ATP13A2: variants seen among roughly 807,000 people sequenced by gnomAD.
The protein encoded by ATP13A2 is ATPase cation transporting 13A2.
A neutral mutation model predicts 138.3 loss-of-function variants in ATP13A2; 83 were observed. That is an observed-to-expected ratio of 0.60 (90% CI 0.50 to 0.72). The LOEUF (loss-of-function observed/expected upper bound fraction) is 0.72, where lower values mean the gene tolerates loss of function less well. Among genes scored for constraint, ATP13A2 ranks in the 30% least tolerant of loss-of-function variants. The probability of loss-of-function intolerance (pLI) is 0.00; values close to 1 mark genes in which losing one functional copy is unlikely to be tolerated. For synonymous variants in ATP13A2, 663 were observed against 699.0 expected (o/e 0.95, Z 0.81); for missense variants, 1,402 against 1,606.4 (o/e 0.87, Z 2.17).
intron 25 of ATP13A2, 74 bp downstream of exon 25, chr1:16,988,064 G>C (rs2076797747): frequency 5.8e-6 from 8 of 1,368,830 alleles, no homozygotes; most frequent in Non-Finnish European, 8.3e-6. Flanking sequence ...GGACCTGCCA[G>C]CTCCAAGGCA....
In ATP13A2 at chr1:16,986,159, G is replaced by C; in HGVS notation, c.*62C>G. On this transcript the variant is annotated 3_prime_UTR_variant, in exon 29 of 29. Transcript: ENST00000326735. The surrounding 1 kb of genome is among the most constrained non-coding windows in gnomAD (Gnocchi z 6.9). ...GTGGTGGCGGTGGTGTTGCTGGAGA[G>C]GGGTCCAGTTGGTGGCTCAGAGGCA... 2 of 1,609,370 alleles carry C rather than the reference G, an allele frequency of 1.2e-6. No homozygotes were observed. The highest frequency in any genetic ancestry group is 1.7e-6 in the Non-Finnish European group (2 of 1,178,424).
chr1:17,000,941 C>T lies in ATP13A2; in HGVS notation c.706-407G>A, dbSNP rs2077331954. 5.3e-5 allele frequency: 10 copies of T among 189,562 alleles called. No homozygotes were observed. The South Asian group carries it at 1.1e-3, about 20-fold the overall frequency. 11.7% of individuals were successfully genotyped at this position (189,562 alleles called of 1,614,324 possible). On this transcript the variant is annotated intron_variant, in intron 8 of 28. Transcript: ENST00000326735. ...TGAGTGACAGAGGGAGACCCTGTCT[C>T]AAAAAAAATAAACAAATAAATAAAT...
At position 16,990,077 on chromosome 1, in the gene ATP13A2, G is replaced by A. The variant is rs766227206; in HGVS notation, c.2412+50C>T. The A allele has an allele frequency of 1.2e-5, 19 of 1,613,888 alleles. No individual in the cohort carries two copies. The South Asian group carries it at 2.0e-4, about 17-fold the overall frequency. On this transcript the variant is annotated intron_variant, in intron 21 of 28. Coordinates refer to ENST00000326735, the MANE Select transcript of ATP13A2 (RefSeq NM_022089.4). ...GTTGGGGCCTGGGTCAGGTGACACA[G>A]GGGTGGGGTCACTGGGTGAGGTACA...
At chr1:16,991,434 A>C (rs2100759652) in intron 20 of ATP13A2, among the ~76,000 whole-genome samples, 1 of 152,292 alleles carries the variant, frequency 6.6e-6, no homozygotes, top group South Asian at 2.1e-4. Context: ...TCTGAGGCTG[A>C]CATCATTATC....
In ATP13A2 at chr1:16,992,107, C is replaced by T; in HGVS notation, c.2028G>A (p.Met676Ile). The change falls in exon 19 of 29, where the codon ATG becomes ATA. Residue 676 changes from methionine to isoleucine, a missense_variant. By Grantham distance (10) the Met-to-Ile change is conservative. Transcript: ENST00000326735. The stretch of plus-strand genomic sequence containing the variant: ...AGCCAGCAGCTGTATAGCTCTGCAG[C>T]ATCTGGGCGAAGTCGGTGGGCACTG... ...PETVPTDFAQ[M>I]LQSYTAAGYR... 6.2e-7 allele frequency: 1 copy of T among 1,613,442 alleles called. No homozygotes were observed. The highest frequency in any genetic ancestry group is 8.5e-7 in the Non-Finnish European group (1 of 1,179,682).
At chr1:17,003,585 C>CACACA (rs2077439980) in intron 6 of ATP13A2, among the ~76,000 whole-genome samples, 1 of 132,988 alleles carries the variant, frequency 7.5e-6, no homozygotes, top group Non-Finnish European at 1.6e-5. Context: ...ACCAAAAAAA[C>CACACA]CACACACACA....
At chr1:17,000,663 C>T (rs2077322117) in intron 8 of ATP13A2, 129 bp from the exon 9 acceptor site, 1 of 1,229,136 alleles carries the variant, frequency 8.1e-7, no homozygotes, top group African/African-American at 1.5e-5. Context: ...AGGCCTTTCT[C>T]CTGGTCAATC....
intron 1 of ATP13A2, among the ~76,000 whole-genome samples, chr1:17,008,468 G>A (rs996357372): frequency 3.9e-5 from 6 of 152,220 alleles, no homozygotes; most frequent in Admixed American, 1.3e-4. Flanking sequence ...ACACAGGGAG[G>A]TAGAAGCATT....
Position 16,986,881 on chromosome 1 carries a change from CAG to C in ATP13A2, c.3157_3158del (p.Leu1053ValfsTer60), listed in dbSNP as rs1570759415. On this transcript the variant is annotated frameshift_variant, in exon 27 of 29. Transcript: ENST00000326735. LOFTEE classifies it high-confidence loss of function. This position sits in a 1 kb window ranked among gnomAD's most constrained non-coding sequence, Gnocchi z 6.9. The part of the protein sequence containing the change: ...PNYENTVVFS[L>X]SSFQYLILAA... Reference sequence around the variant, plus strand: ...CCAGGATGAGGTACTGGAAGCTGGACAGAGAGAAGACCACGGTGTTCTCGTAG... The same window carrying C: ...CCAGGATGAGGTACTGGAAGCTGGACAGAGAAGACCACGGTGTTCTCGTAG... 6.2e-7 allele frequency: 1 copy of C among 1,614,048 alleles called. No individual in the cohort carries two copies. Among genetic ancestry groups the C allele is most frequent in the Non-Finnish European group, 8.5e-7 (1 of 1,179,998 alleles).
At chr1:17,009,691 G>A (rs764502881) in intron 1 of ATP13A2, among the ~76,000 whole-genome samples, 5 of 151,884 alleles carry the variant, frequency 3.3e-5, no homozygotes, top group East Asian at 3.9e-4. Context: ...CACCACACCC[G>A]GCCTCAAGAC....
Position 16,986,663 on chromosome 1 carries a change from C to G in ATP13A2, c.3236-31G>C. 1.9e-6 allele frequency: 3 copies of G among 1,583,910 alleles called. No individual in the cohort carries two copies. The highest frequency in any genetic ancestry group is 2.6e-6 in the Non-Finnish European group (3 of 1,169,414). On this transcript the variant is annotated intron_variant, in intron 27 of 28. Coordinates refer to ENST00000326735, the MANE Select transcript of ATP13A2 (RefSeq NM_022089.4). The surrounding 1 kb of genome is among the most constrained non-coding windows in gnomAD (Gnocchi z 6.9). The stretch of plus-strand genomic sequence containing the variant: ...AGCAGGAGAGTCTCTCAGGCAGGAG[C>G]CACGCCCCCCCGGCACCCACAGACA...
rs757019364 is a variant in ATP13A2, at chr1:16,987,164, G to A, written c.2965C>T (p.Arg989Trp). The A allele has an allele frequency of 4.2e-5, 67 of 1,613,130 alleles. No individual in the cohort carries two copies. The South Asian group carries it at 4.6e-4, about 11-fold the overall frequency. Residue 989 changes from arginine (R) to tryptophan (W), a missense_variant, in exon 26 of 29, where the codon CGG becomes TGG. Transcript: ENST00000326735. ...AGCAGCGCCCCCGGTGGCCGCACCC[G>A]TCCCAGGACCAGCGCTGGCCCCGTG... ...SRTGPALVLGRVRPPGALLSV... is the reference protein window; with the variant it reads ...SRTGPALVLGWVRPPGALLSV...
chr1:16,999,667 C>T (rs1480159186), intron 11 of ATP13A2, among the ~76,000 whole-genome samples: 4 of 151,926 alleles, frequency 2.6e-5, no homozygotes, highest in Non-Finnish European at 5.9e-5. Context: ...CTTGGGAGGC[C>T]GAGGTGGGCA....
chr1:17,001,263 C>CAA (rs376331099), intron 8 of ATP13A2, among the ~76,000 whole-genome samples: 3 of 124,034 alleles, frequency 2.4e-5, no homozygotes, highest in African/African-American at 9.4e-5. Context: ...ACTAAAAATA[C>CAA]AAAAAAAAAA....
Position 16,996,174 on chromosome 1 carries a change from G to A in ATP13A2, c.1354-10C>T, listed in dbSNP as rs745407233. On this transcript the variant is annotated splice_polypyrimidine_tract_variant and intron_variant, in intron 14 of 28. Coordinates refer to ENST00000326735, the MANE Select transcript of ATP13A2 (RefSeq NM_022089.4). ...TCTCATTCAGAGGCACCTGGCAGGG[G>A]GCACCATGAATGTGAGCACCTGGCT... The A allele has an allele frequency of 1.2e-6, 2 of 1,614,036 alleles. No homozygotes were observed. The highest frequency in any genetic ancestry group is 1.7e-6 in the Non-Finnish European group (2 of 1,180,052).
At position 17,000,117 on chromosome 1, in the gene ATP13A2, C is replaced by G. The variant is rs768047686; in HGVS notation, c.933G>C (p.Glu311Asp). 3 of 1,613,318 alleles carry G rather than the reference C, an allele frequency of 1.9e-6. No homozygotes were observed. The highest frequency in any genetic ancestry group is 2.2e-5 in the East Asian group (1 of 44,874). Residue 311 changes from glutamate (E) to aspartate (D), a missense_variant, in exon 11 of 29, where the codon GAG becomes GAC. Coordinates refer to ENST00000326735, the MANE Select transcript of ATP13A2 (RefSeq NM_022089.4). ...GCACCAGGCAGTCTCCGGGCACTAG[C>G]TCACTGGAGTCCACCCACTCTTCCT... ...GGEEEWVDSS[E>D]LVPGDCLVLP... is the part of the protein sequence containing the mutation.
rs1005719295 is a variant in ATP13A2, at chr1:17,005,321, C to T, written c.288+53G>A. On this transcript the variant is annotated intron_variant, in intron 3 of 28. Transcript: ENST00000326735. ...TTGGCACCCAAGCATCCTCCACCCC[C>T]GACCCTGACCCTCACTGCGCTTCTC... 12 of 1,554,712 alleles carry T rather than the reference C, an allele frequency of 7.7e-6. 1 individual carries two copies. The Admixed American group carries it at 7.8e-5, about 10-fold the overall frequency.
chr1:16,996,475 C>T lies in ATP13A2; in HGVS notation c.1217G>A (p.Gly406Asp). ...TRTGFCTAKGGLVSSILHPRP... is the reference protein window; with the variant it reads ...TRTGFCTAKGDLVSSILHPRP... ...GGGGTGCAAGATGGAGCTCACCAGG[C>T]CCCCTTTTGCCGTGCAGAACCCTGG... Residue 406 changes from glycine (G) to aspartate (D), a missense_variant, in exon 13 of 29, where the codon GGC (glycine) becomes GAC (aspartate). By Grantham distance (94) the Gly-to-Asp change is moderately conservative (BLOSUM62 -1). Coordinates refer to ENST00000326735, the MANE Select transcript of ATP13A2 (RefSeq NM_022089.4). 6.2e-7 allele frequency: 1 copy of T among 1,613,992 alleles called. No individual in the cohort carries two copies. Among genetic ancestry groups the T allele is most frequent in the South Asian group, 1.1e-5 (1 of 91,078 alleles).
At position 16,992,489 on chromosome 1, in the gene ATP13A2, T is replaced by C; in HGVS notation, c.1842A>G (p.Ala614=). The change falls in exon 17 of 29, where the codon GCA becomes GCG. Residue 614 remains alanine (A), a synonymous_variant. Coordinates refer to ENST00000326735, the MANE Select transcript of ATP13A2 (RefSeq NM_022089.4). ...RPPLWEPQLQ[A]MEEPPVPVSV... The stretch of plus-strand genomic sequence containing the variant: ...CAACAGGCCCCCCTCAGCTCACCAT[T>C]GCCTGCAGCTGGGGCTCCCAAAGTG... 1.2e-6 allele frequency: 2 copies of C among 1,614,114 alleles called. No individual in the cohort carries two copies. Among genetic ancestry groups the C allele is most frequent in the South Asian group, 1.1e-5 (1 of 91,082 alleles).
Sources: gnomAD v4.1 joint callset for allele counts (sites outside exome capture counted in the v4.1 genomes callset) on GRCh38, gnomAD v4.1.1 for gene constraint, Gnocchi (gnomAD v3.1) non-coding constraint, MANE v1.5 for transcripts, NCBI Gene and HGNC (gene_info 2026-07-23, HGNC 2026-07-21) for gene names.